Variants in SVEP1 observed in about 807,000 individuals in gnomAD.
The protein encoded by SVEP1 is sushi, von Willebrand factor type A, EGF and pentraxin domain containing 1.
In SVEP1, 164 loss-of-function variants were observed where a neutral mutation model predicts 367.3. The ratio of observed to expected loss-of-function variants is 0.45; its 90% CI spans 0.39 to 0.51. SVEP1 has a LOEUF of 0.51. SVEP1 is among the 20% of genes least tolerant of loss of function. The pLI is 0.00. For missense variants in SVEP1, 4,117 were observed against 4,425.3 expected, an observed-to-expected ratio of 0.93 and a Z score of 1.98; for synonymous variants, 1,666 against 1,611.6, an observed-to-expected ratio of 1.03 and a Z score of -0.81.
Position 110,429,281 on chromosome 9 carries a change from T to C in SVEP1, c.5669A>G (p.Asn1890Ser), listed in dbSNP as rs1564140214. The change falls in exon 35 of 48, where the codon AAC becomes AGC. Residue 1890 changes from asparagine to serine, a missense_variant. By Grantham distance (46) the Asn-to-Ser change is conservative. This residue lies in a region of SVEP1 where 2,174 missense variants were observed against 2,494.3 expected (regional missense o/e 0.87). Transcript: ENST00000374469. ...AGGAGGGGAATGACTCCAAGAACTG[T>C]TAGCAAGACAGGATGATTCTTTATC... The part of the protein sequence containing the change: ...AGDKESSCLA[N>S]SSWSHSPPVC... 2 of 1,596,236 alleles carry C rather than the reference T, an allele frequency of 1.3e-6. No homozygotes were observed. The highest frequency in any genetic ancestry group is 1.1e-5 in the South Asian group (1 of 87,912).
chr9:110,481,793 GC>G (rs1487779278), intron 11 of SVEP1, among the ~76,000 whole-genome samples: 1 of 152,006 alleles, frequency 6.6e-6, no homozygotes, highest in Non-Finnish European at 1.5e-5. Context: ...ACTCACTGCA[GC>G]CTCTGCCTCC....
intron 16 of SVEP1, 143 bp from the exon 17 acceptor site, chr9:110,469,244 T>A (rs542986263): frequency 1.3e-6 from 1 of 757,508 alleles, no homozygotes; most frequent in African/African-American, 1.8e-5. Context: ...AGAGGCTTAT[T>A]CACAAGGTAA....
chr9:110,481,699 GTTA>G (rs55646251), intron 11 of SVEP1, among the ~76,000 whole-genome samples: 8 of 151,066 alleles, frequency 5.3e-5, no homozygotes, highest in Non-Finnish European at 8.8e-5. Flanking sequence ...CTGACTTGGA[GTTA>G]TTATTATTAT....
At chr9:110,386,479 T>C (rs887553403) in intron 42 of SVEP1, among the ~76,000 whole-genome samples, 1 of 149,134 alleles carries the variant, frequency 6.7e-6, no homozygotes, top group African/African-American at 2.5e-5. Context: ...ATTGTCACCT[T>C]ACTTTCTTTT....
rs373810002 is a variant in SVEP1, at chr9:110,404,280, A to G, written c.9666+47T>C. Reference sequence around the variant, plus strand: ...TTATAGATACTGCTTGCTTGGCAATATATGTATATGTAGGCATTACACATT... The same window carrying G: ...TTATAGATACTGCTTGCTTGGCAATGTATGTATATGTAGGCATTACACATT... On this transcript the variant is annotated intron_variant, in intron 39 of 47. Coordinates refer to ENST00000374469, the MANE Select transcript of SVEP1 (RefSeq NM_153366.4). 22 of 1,559,210 alleles carry G rather than the reference A, an allele frequency of 1.4e-5. No individual in the cohort carries two copies. The East Asian group carries it at 4.0e-4, about 29-fold the overall frequency.
chr9:110,428,019 G>A (rs1828281327), intron 35 of SVEP1, among the ~76,000 whole-genome samples: 1 of 152,130 alleles, frequency 6.6e-6, no homozygotes, highest in Non-Finnish European at 1.5e-5. Flanking sequence ...CTGCTTATGG[G>A]CAGTGGTGTA....
chr9:110,369,677 T>C (rs1827248338), intron 47 of SVEP1: 1 of 400,950 alleles, frequency 2.5e-6, no homozygotes, highest in Admixed American at 4.2e-5. Context: ...AGTTTTAGTA[T>C]ATGTGCTGCT....
At chr9:110,503,322 T>C in intron 5 of SVEP1, 105 bp from the exon 6 acceptor site, 1 of 1,193,856 alleles carries the variant, frequency 8.4e-7, no homozygotes. Flanking sequence ...CAATTTTCTT[T>C]TCTTAAAATA....
intron 42 of SVEP1, 38 bp downstream of exon 42, chr9:110,387,247 T>G (rs1264804463): frequency 6.5e-7 from 1 of 1,536,392 alleles, no homozygotes; most frequent in Non-Finnish European, 8.7e-7. Flanking sequence ...ATCGTGAAAC[T>G]GAATCTGATT....
intron 26 of SVEP1, 60 bp downstream of exon 26, chr9:110,445,777 A>T: frequency 6.3e-7 from 1 of 1,575,454 alleles, no homozygotes; most frequent in South Asian, 1.1e-5. Context: ...CCTCAATGTC[A>T]GTTCTAATTC....
intron 44 of SVEP1, among the ~76,000 whole-genome samples, chr9:110,378,201 TCA>T (rs1827381989): frequency 6.6e-6 from 1 of 152,154 alleles, no homozygotes; most frequent in African/African-American, 2.4e-5. Context: ...TTGTTCAATA[TCA>T]CACACACAAC....
At chr9:110,568,275 G>A (rs1048036723) in intron 1 of SVEP1, among the ~76,000 whole-genome samples, 4 of 152,270 alleles carry the variant, frequency 2.6e-5, no homozygotes, top group East Asian at 1.9e-4. Context: ...CAAGGCTCCC[G>A]CTCAAGTTCT....
At chr9:110,541,768 T>A (rs1050865450) in intron 3 of SVEP1, among the ~76,000 whole-genome samples, 5 of 147,518 alleles carry the variant, frequency 3.4e-5, no homozygotes, top group Non-Finnish European at 7.4e-5. Flanking sequence ...TACATAGATA[T>A]CTATATATAT....
chr9:110,574,181 G>A (rs1303843621), intron 1 of SVEP1, among the ~76,000 whole-genome samples: 2 of 152,194 alleles, frequency 1.3e-5, no homozygotes, highest in Non-Finnish European at 2.9e-5. Flanking sequence ...TACATCTCGC[G>A]GTTTTTATAC....
intron 18 of SVEP1, among the ~76,000 whole-genome samples, chr9:110,465,186 G>T (rs1828915569): frequency 6.6e-6 from 1 of 151,984 alleles, no homozygotes; most frequent in African/African-American, 2.4e-5. Context: ...GACCCTGGAG[G>T]TAAGGCCTCA....
intron 44 of SVEP1, among the ~76,000 whole-genome samples, chr9:110,377,879 C>T (rs142900888): frequency 2.6e-5 from 4 of 151,782 alleles, no homozygotes; most frequent in Non-Finnish European, 4.4e-5. Flanking sequence ...ATCCTCACCC[C>T]CTCCCAGCTC....
At chr9:110,479,208 G>T (rs1829147170) in intron 13 of SVEP1, among the ~76,000 whole-genome samples, 1 of 151,652 alleles carries the variant, frequency 6.6e-6, no homozygotes, top group African/African-American at 2.4e-5. Context: ...GTGAGCCACC[G>T]CGCCTGGTCT....
chr9:110,386,946 C>T (rs1257861136), intron 42 of SVEP1, among the ~76,000 whole-genome samples: 1 of 147,090 alleles, frequency 6.8e-6, no homozygotes, highest in Admixed American at 6.7e-5. Flanking sequence ...TATTTTCTTT[C>T]ATTTCTTTCC....
At chr9:110,431,028 A>G (rs1828342779) in intron 32 of SVEP1, among the ~76,000 whole-genome samples, 1 of 152,232 alleles carries the variant, frequency 6.6e-6, no homozygotes, top group Non-Finnish European at 1.5e-5. Flanking sequence ...ACGGGAGGAT[A>G]TATTGCATCA....
Sources: gnomAD v4.1 joint callset for allele counts (sites outside exome capture counted in the v4.1 genomes callset) on GRCh38, gnomAD v4.1.1 for gene constraint, gnomAD v4.1.1 regional missense constraint, MANE v1.5 for transcripts, NCBI Gene and HGNC (gene_info 2026-07-23, HGNC 2026-07-21) for gene names.